The following PAPPA2 variants were observed in gnomAD, a reference collection of about 807,000 sequenced individuals.
PAPPA2 encodes the protein pappalysin 2, also known as pappalysin-2.
Under a neutral mutation model 176.4 loss-of-function variants are expected in PAPPA2, and 86 were observed. That is an observed-to-expected ratio of 0.49 (90% CI 0.41 to 0.58). PAPPA2 has a LOEUF of 0.58. PAPPA2 is among the 20% of genes least tolerant of loss of function. The probability of loss-of-function intolerance (pLI) is 0.00; values close to 1 mark genes in which losing one functional copy is unlikely to be tolerated. For synonymous variants in PAPPA2, 809 were observed against 852.2 expected, an observed-to-expected ratio of 0.95 and a Z score of 0.88; for missense variants, 2,073 against 2,256.9, an observed-to-expected ratio of 0.92 and a Z score of 1.65.
intron 12 of PAPPA2, among the ~76,000 whole-genome samples, chr1:176,728,815 C>T (rs994130143): frequency 6.6e-6 from 1 of 151,772 alleles, no homozygotes; most frequent in Admixed American, 6.6e-5. Context: ...CAGAAGTATG[C>T]CCAAACATAT....
At chr1:176,557,284 G>T in intron 2 of PAPPA2, 43 bp downstream of exon 2, 1 of 1,516,570 alleles carries the variant, frequency 6.6e-7, no homozygotes, top group Non-Finnish European at 8.8e-7. Flanking sequence ...TGAGGGTATG[G>T]CTGGCTTTAT....
At chr1:176,838,719 A>G (rs936427177) in intron 21 of PAPPA2, among the ~76,000 whole-genome samples, 3 of 152,242 alleles carry the variant, frequency 2.0e-5, no homozygotes, top group Non-Finnish European at 4.4e-5. Context: ...TCATTACAGA[A>G]TCTTTGTCTT....
At position 176,556,478 on chromosome 1, in the gene PAPPA2, G is replaced by A. The variant is rs753078714; in HGVS notation, c.156G>A (p.Leu52=). 13 of 1,614,196 alleles carry A rather than the reference G, an allele frequency of 8.1e-6. No individual in the cohort carries two copies. The South Asian group carries it at 1.3e-4, about 16-fold the overall frequency. ...QVLLEGERCW[L]GAKVRRPRAS... ...TGTTGGAAGGAGAACGTTGTTGGCT[G>A]GGGGCCAAGGTTCGAAGACCCAGAG... The change falls in exon 2 of 23, where the codon CTG becomes CTA. Residue 52 remains leucine, a synonymous_variant. Transcript: ENST00000367662.
chr1:176,828,771 A>C (rs1487709574), intron 21 of PAPPA2, among the ~76,000 whole-genome samples: 3 of 152,096 alleles, frequency 2.0e-5, no homozygotes, highest in African/African-American at 7.2e-5. Flanking sequence ...TAGGAGGCTG[A>C]GGTGGGTGAA....
At chr1:176,540,604 A>G (rs1227014608) in intron 1 of PAPPA2, among the ~76,000 whole-genome samples, 1 of 152,212 alleles carries the variant, frequency 6.6e-6, no homozygotes, top group Non-Finnish European at 1.5e-5. Context: ...GGCTCAACTT[A>G]TGCTTCCTGG....
chr1:176,559,951 C>T (rs893377459), intron 2 of PAPPA2, among the ~76,000 whole-genome samples: 2 of 152,216 alleles, frequency 1.3e-5, no homozygotes, highest in African/African-American at 4.8e-5. Context: ...CATTCCCCTC[C>T]CCAGCCCCAG....
chr1:176,674,878 G>C (rs1313842796), intron 4 of PAPPA2, among the ~76,000 whole-genome samples: 2 of 151,666 alleles, frequency 1.3e-5, no homozygotes, highest in African/African-American at 4.8e-5. Context: ...AGTTGTGCTA[G>C]TTTACATTCA....
chr1:176,708,344 A>G (rs1660974464), intron 10 of PAPPA2, among the ~76,000 whole-genome samples: 1 of 152,134 alleles, frequency 6.6e-6, no homozygotes. Context: ...CACATATTCC[A>G]TTATTTCTCA....
At chr1:176,477,415 T>C (rs774337845) in intron 1 of PAPPA2, among the ~76,000 whole-genome samples, 2 of 152,236 alleles carry the variant, frequency 1.3e-5, no homozygotes, top group Non-Finnish European at 2.9e-5. Flanking sequence ...TAAATACATG[T>C]GATATACTCC....
chr1:176,706,363 C>T lies in PAPPA2; in HGVS notation c.3370C>T (p.Leu1124=). ...CATATATATTTTACCCTCTAGGAGA[C>T]TGGGAGAAGAGTGTGATGATGGAGA... ...YCGDGKVSER[L]GEECDDGDLV... Residue 1124 remains leucine (L), a synonymous_variant, in exon 10 of 23, where the codon CTG becomes TTG. Transcript: ENST00000367662. 2.5e-6 allele frequency: 4 copies of T among 1,613,452 alleles called. No homozygotes were observed. The highest frequency in any genetic ancestry group is 3.4e-6 in the Non-Finnish European group (4 of 1,179,576).
intron 20 of PAPPA2, among the ~76,000 whole-genome samples, chr1:176,799,558 G>A (rs1007232138): frequency 2.2e-4 from 34 of 152,146 alleles, no homozygotes; most frequent in Admixed American, 2.2e-3. Context: ...TCCAGTCCTG[G>A]TGTGGGCACT....
chr1:176,622,361 C>G (rs142169284), intron 3 of PAPPA2, among the ~76,000 whole-genome samples: 16 of 152,270 alleles, frequency 1.1e-4, no homozygotes, highest in African/African-American at 3.4e-4. Flanking sequence ...ACCTGAATCT[C>G]TCACAGTTTG....
At chr1:176,760,679 C>T (rs558601444) in intron 14 of PAPPA2, among the ~76,000 whole-genome samples, 26 of 152,326 alleles carry the variant, frequency 1.7e-4, no homozygotes, top group East Asian at 5.8e-4. Flanking sequence ...GGGAAAAACA[C>T]ACATCATTAT....
At chr1:176,624,996 C>T (rs10753131) in intron 3 of PAPPA2, among the ~76,000 whole-genome samples, 26,538 of 152,136 alleles carry the variant, frequency 0.17, 2,475 homozygotes, top group Middle Eastern at 0.23. Context: ...AGATCCTCCA[C>T]ACAGGGATGA....
chr1:176,515,262 G>A (rs1192669186), intron 1 of PAPPA2, among the ~76,000 whole-genome samples: 2 of 152,114 alleles, frequency 1.3e-5, no homozygotes, highest in Non-Finnish European at 2.9e-5. Flanking sequence ...ACAAAATAAA[G>A]AGTCATTATT....
intron 14 of PAPPA2, among the ~76,000 whole-genome samples, chr1:176,746,995 C>A: frequency 6.6e-6 from 1 of 152,072 alleles, no homozygotes; most frequent in Admixed American, 6.6e-5. Flanking sequence ...AATTTTTCAG[C>A]TGAGGAAACT....
At chr1:176,763,174 C>T (rs1401704690) in intron 14 of PAPPA2, among the ~76,000 whole-genome samples, 1 of 151,948 alleles carries the variant, frequency 6.6e-6, no homozygotes, top group East Asian at 1.9e-4. Context: ...AGTAGTTGAC[C>T]ACTAACACAA....
chr1:176,626,501 C>T (rs746368636), intron 3 of PAPPA2, among the ~76,000 whole-genome samples: 5 of 152,146 alleles, frequency 3.3e-5, no homozygotes, highest in Non-Finnish European at 7.3e-5. Context: ...CTATAGTGTA[C>T]AGCCATGCTC....
chr1:176,546,108 CTTTA>C (rs1399610391), intron 1 of PAPPA2, among the ~76,000 whole-genome samples: 1 of 152,102 alleles, frequency 6.6e-6, no homozygotes, highest in Non-Finnish European at 1.5e-5. Context: ...AACATGCACA[CTTTA>C]TTTATTTGTT....
Sources: allele counts gnomAD v4.1 joint callset (sites outside exome capture counted in the v4.1 genomes callset), GRCh38; gene constraint gnomAD v4.1.1; transcripts MANE v1.5; gene names NCBI Gene and HGNC (gene_info 2026-07-23, HGNC 2026-07-21).